MCMDC2: variants seen among roughly 807,000 people sequenced by gnomAD.
MCMDC2 encodes minichromosome maintenance domain containing 2.
MCMDC2 carries 54 observed loss-of-function variants against 75.8 expected under a neutral mutation model. The ratio of observed to expected loss-of-function variants is 0.71; its 90% confidence interval spans 0.57 to 0.89. The LOEUF (loss-of-function observed/expected upper bound fraction) is 0.89. Among genes scored for constraint, MCMDC2 ranks in the 40% least tolerant of loss-of-function variants. MCMDC2 has a pLI of 0.00. For missense variants in MCMDC2, 656 were observed against 780.4 expected (o/e 0.84, Z 1.90); for synonymous variants, 249 against 274.6 (o/e 0.91, Z 0.92).
intron 13 of MCMDC2, 166 bp downstream of exon 13, chr8:66,901,514 T>C: frequency 7.5e-7 from 1 of 1,338,802 alleles, no homozygotes; most frequent in Non-Finnish European, 9.5e-7. Context: ...ATTCCTTTTG[T>C]TATATCATGT....
intron 5 of MCMDC2, among the ~76,000 whole-genome samples, chr8:66,877,863 T>TAAAAAAAAA (rs746087269): frequency 1.1e-5 from 1 of 87,440 alleles, no homozygotes. Flanking sequence ...TGACCCTGTC[T>TAAAAAAAAA]AAAAAAAAAA....
downstream of MCMDC2, among the ~76,000 whole-genome samples, chr8:66,925,138 G>A (rs1813681145): frequency 6.6e-6 from 1 of 152,224 alleles, no homozygotes; most frequent in Non-Finnish European, 1.5e-5. Context: ...GTCCCTTGCA[G>A]GCACCTCCTT....
At chr8:66,872,105 GATC>G (rs1330832076) in intron 1 of MCMDC2, among the ~76,000 whole-genome samples, 1 of 152,166 alleles carries the variant, frequency 6.6e-6, no homozygotes, top group African/African-American at 2.4e-5. Context: ...CACATTTTGA[GATC>G]ATTGTCCTTA....
chr8:66,922,074 A>G (rs1319949479), downstream of MCMDC2: 1 of 152,778 alleles, frequency 6.5e-6, no homozygotes, highest in East Asian at 1.9e-4. Flanking sequence ...GTTTTCTTGA[A>G]CACGTCTTCA....
chr8:66,903,938 GTAAAGCCCTCTGT>G (rs1361551589), intron 13 of MCMDC2, among the ~76,000 whole-genome samples: 1 of 152,160 alleles, frequency 6.6e-6, no homozygotes, highest in Non-Finnish European at 1.5e-5. Context: ...TAGGATAAAT[GTAAAGCCCTCTGT>G]TAGATGCCCA....
chr8:66,891,150 A>G (rs1185208023), intron 10 of MCMDC2, 80 bp downstream of exon 10: 3 of 1,210,088 alleles, frequency 2.5e-6, no homozygotes, highest in Non-Finnish European at 3.4e-6. Context: ...CAGTTAAGAT[A>G]GTATTGCAGT....
intron 14 of MCMDC2, among the ~76,000 whole-genome samples, chr8:66,916,065 G>A (rs1813304990): frequency 6.6e-6 from 1 of 152,068 alleles, no homozygotes; most frequent in African/African-American, 2.4e-5. Context: ...TATGGAGACA[G>A]CACACATAGA....
rs552351613 is a variant in MCMDC2 at position 66,886,744 on chromosome 8, C to T, written c.1073+2750C>T. On this transcript the variant is annotated intron_variant, in intron 9 of 14. Coordinates refer to ENST00000422365, the MANE Select transcript of MCMDC2 (RefSeq NM_173518.5). ...GAGTCGAGATAGTGCCACTGCACTC[C>T]AGCCTGGGCAACAGAGCAAGACTCA... Among the ~76,000 whole-genome samples, 32 of 150,546 alleles carry T rather than the reference C, an allele frequency of 2.1e-4. No individual in the cohort carries two copies. The South Asian group carries it at 6.7e-3, about 32-fold the overall frequency.
intron 1 of MCMDC2, among the ~76,000 whole-genome samples, chr8:66,871,039 C>T (rs558805150): frequency 6.6e-6 from 1 of 152,326 alleles, no homozygotes; most frequent in East Asian, 1.9e-4. Flanking sequence ...CAGCAACACT[C>T]GGCGTTCGTT....
rs748002686 is a variant in MCMDC2 at position 66,877,533 on chromosome 8, C to G, written c.470C>G (p.Pro157Arg). ...TTTCTTTGTTCAGATGAAGCATGCC[C>G]TCTTTCAAAAGGTAAATGTTAAATA... is the stretch of plus-strand genomic sequence containing the variant. Reference protein sequence around the residue: ...ARFLCSDEACPLSKGFQYIRV... With the variant: ...ARFLCSDEACRLSKGFQYIRV... Residue 157 changes from proline to arginine, a missense_variant, in exon 5 of 15, where the codon CCT becomes CGT. Transcript: ENST00000422365. The G allele has an allele frequency of 1.9e-6, 3 of 1,595,826 alleles. No homozygotes were observed. Among genetic ancestry groups the G allele is most frequent in the African/African-American group, 1.4e-5 (1 of 73,436 alleles).
At chr8:66,901,413 G>T (rs1812654222) in intron 13 of MCMDC2, 65 bp downstream of exon 13, 1 of 1,542,760 alleles carries the variant, frequency 6.5e-7, no homozygotes, top group African/African-American at 1.4e-5. Context: ...TAATTAAATT[G>T]CTAATTTACC....
At chr8:66,884,795 G>A (rs1043068432) in intron 9 of MCMDC2, among the ~76,000 whole-genome samples, 1 of 151,350 alleles carries the variant, frequency 6.6e-6, no homozygotes, top group African/African-American at 2.4e-5. Flanking sequence ...ATTATTTTTT[G>A]AGACAGGGTC....
At position 66,899,017 on chromosome 8, in the gene MCMDC2, A is replaced by G. The variant is rs374665256; in HGVS notation, c.1626+2058A>G. Reference sequence around the variant, plus strand: ...TTGTCAGACTATAGAGAACAGTTGTAGAGTGAACTGTAAAATAGTAAAAAG... The same window carrying G: ...TTGTCAGACTATAGAGAACAGTTGTGGAGTGAACTGTAAAATAGTAAAAAG... On this transcript the variant is annotated intron_variant, in intron 12 of 14. Transcript: ENST00000422365. 2.6e-5 allele frequency among the ~76,000 whole-genome samples: 4 copies of G among 152,276 alleles called. No homozygotes were observed. The East Asian group carries it at 7.7e-4, about 29-fold the overall frequency.
At chr8:66,885,705 C>T (rs186622225) in intron 9 of MCMDC2, among the ~76,000 whole-genome samples, 103 of 152,178 alleles carry the variant, frequency 6.8e-4, no homozygotes, top group African/African-American at 2.4e-3. Flanking sequence ...ATTTAACATA[C>T]ACTCCTTTAA....
chr8:66,916,866 G>A (rs1448279169), intron 14 of MCMDC2, among the ~76,000 whole-genome samples: 1 of 152,144 alleles, frequency 6.6e-6, no homozygotes, highest in African/African-American at 2.4e-5. Flanking sequence ...GTATGGCTGA[G>A]GCGGAAGGGA....
intron 14 of MCMDC2, among the ~76,000 whole-genome samples, chr8:66,911,068 G>T (rs1813099483): frequency 6.6e-6 from 1 of 152,186 alleles, no homozygotes; most frequent in African/African-American, 2.4e-5. Flanking sequence ...GGGGACTGTT[G>T]GGAAGGCATG....
chr8:66,884,125 T>A lies in MCMDC2; in HGVS notation c.1073+131T>A, dbSNP rs1203092739. On this transcript the variant is annotated intron_variant, in intron 9 of 14. Transcript: ENST00000422365. Reference sequence around the variant, plus strand: ...CAGTATAAGTATTTAAATCAATCTTTATCAATAAAATTCAAAACCTTTGAA... The same window carrying A: ...CAGTATAAGTATTTAAATCAATCTTAATCAATAAAATTCAAAACCTTTGAA... 7 of 624,274 alleles carry A rather than the reference T, an allele frequency of 1.1e-5. No individual in the cohort carries two copies. The East Asian group carries it at 1.9e-4, about 17-fold the overall frequency. 38.7% of individuals were successfully genotyped at this position (624,274 alleles called of 1,614,324 possible). A position where few individuals can be genotyped will look rare whatever the true frequency, so the allele number is the denominator to read the frequency against.
rs146408080 is a variant in MCMDC2, at chr8:66,893,878, G to A, written c.1280-2292G>A. ...TACAACTGCACTTGGTTCCACACTC[G>A]TGAAGTTGGCCCTGCTAGTATGTCC... On this transcript the variant is annotated intron_variant, in intron 10 of 14. Coordinates refer to ENST00000422365, the MANE Select transcript of MCMDC2 (RefSeq NM_173518.5). Among the ~76,000 whole-genome samples the A allele has an allele frequency of 1.8e-3, 267 of 152,238 alleles. 1 individual carries two copies. Among genetic ancestry groups the A allele is most frequent in the Non-Finnish European group, 2.9e-3 (200 of 68,016 alleles).
rs530805303 is a variant in MCMDC2, at chr8:66,902,692, C to CAAAAA, written c.1769+1360_1769+1364dup. On this transcript the variant is annotated intron_variant, in intron 13 of 14. Coordinates refer to ENST00000422365, the MANE Select transcript of MCMDC2 (RefSeq NM_173518.5). ...CTGGCGACAGAGCAAGATTCTGTCT[C>CAAAAA]AAAAAAAAAAAAAAAAAAAATATAT... 1.3e-3 allele frequency among the ~76,000 whole-genome samples: 74 copies of CAAAAA among 57,232 alleles called. 2 individuals are homozygous for CAAAAA. The highest frequency in any genetic ancestry group is 5.1e-3 in the African/African-American group (61 of 11,954). The allele number at this position is 57,232 out of a possible 152,430, so 37.5% of individuals were successfully genotyped here.
Sources: gnomAD v4.1 joint callset for allele counts (sites outside exome capture counted in the v4.1 genomes callset) on GRCh38, gnomAD v4.1.1 for gene constraint, MANE v1.5 for transcripts, NCBI Gene and HGNC (gene_info 2026-07-23, HGNC 2026-07-21) for gene names.